RMST: variants seen among roughly 807,000 people sequenced by gnomAD.
RMST encodes the protein long intergenic non-protein coding RNA 54.
At chr12:97,525,984 A>G (rs145363358) in intron 10 of RMST, among the ~76,000 whole-genome samples, 1 of 152,110 alleles carries the variant, frequency 6.6e-6, no homozygotes, top group East Asian at 1.9e-4. Flanking sequence ...ACTCCTTATG[A>G]GAATCTAATG....
intron 5 of RMST, among the ~76,000 whole-genome samples, chr12:97,472,793 T>C (rs564149437): frequency 6.6e-6 from 1 of 152,274 alleles, no homozygotes; most frequent in African/African-American, 2.4e-5. Context: ...TAGTGTACAA[T>C]CTTTTAGACT....
intron 5 of RMST, chr12:97,491,690 G>A (rs1582336): frequency 0.81 from 198,818 of 244,066 alleles, 81,725 homozygotes; most frequent in African/African-American, 0.9. Context: ...CAAGTATTTC[G>A]ATACCCATAT....
chr12:97,491,240 A>AAGGTGATT (rs1416406253), intron 5 of RMST, among the ~76,000 whole-genome samples: 1 of 152,192 alleles, frequency 6.6e-6, no homozygotes, highest in Non-Finnish European at 1.5e-5. Context: ...CAAAATTCCA[A>AAGGTGATT]AGGTGATTAG....
intron 10 of RMST, among the ~76,000 whole-genome samples, chr12:97,525,301 G>A (rs1394237476): frequency 6.6e-6 from 1 of 152,142 alleles, no homozygotes; most frequent in Non-Finnish European, 1.5e-5. Context: ...GGAAGCAAAA[G>A]GTAGTGAGGT....
At chr12:97,520,661 C>A (rs1029901093) in intron 10 of RMST, among the ~76,000 whole-genome samples, 1 of 151,984 alleles carries the variant, frequency 6.6e-6, no homozygotes, top group African/African-American at 2.4e-5. Flanking sequence ...ATTTTTAATT[C>A]TCTTGCTTTA....
In RMST at chr12:97,514,732, T is replaced by G. The variant is rs376373514; in HGVS notation, n.1341-15923T>G. 7.9e-5 allele frequency among the ~76,000 whole-genome samples: 12 copies of G among 152,224 alleles called. No individual in the cohort carries two copies. In the East Asian group the frequency reaches 1.4e-3, roughly 17 times the overall value. ...ATGACAATAATAGAGATTGATTACA[T>G]TTTATGGAACACAGAGTAAGAGCTG... is the stretch of plus-strand genomic sequence containing the variant. On this transcript the variant is annotated intron_variant and non_coding_transcript_variant, in intron 10 of 13. Coordinates refer to ENST00000640149, the Ensembl canonical transcript of RMST.
chr12:97,488,914 G>A (rs1012161196), intron 5 of RMST, among the ~76,000 whole-genome samples: 29 of 152,088 alleles, frequency 1.9e-4, no homozygotes, highest in African/African-American at 7.0e-4. Flanking sequence ...GCCTCAAAGA[G>A]TTGGGACTTA....
At chr12:97,563,345 A>G (rs535382985) in intron 13 of RMST, 58 of 188,160 alleles carry the variant, frequency 3.1e-4, no homozygotes, top group Middle Eastern at 4.4e-3. Context: ...ATAGTCAAAC[A>G]GGTACTAAGA....
At chr12:97,539,310 C>T (rs1273906201) in intron 11 of RMST, among the ~76,000 whole-genome samples, 6 of 151,488 alleles carry the variant, frequency 4.0e-5, no homozygotes, top group Non-Finnish European at 5.9e-5. Context: ...AGGTAGCTTG[C>T]TTGGAAAATA....
intron 10 of RMST, among the ~76,000 whole-genome samples, chr12:97,519,675 A>T (rs2136545433): frequency 6.6e-6 from 1 of 152,292 alleles, no homozygotes; most frequent in African/African-American, 2.4e-5. Context: ...ATCGGTTCTT[A>T]TCAGTAGCTA....
intron 10 of RMST, among the ~76,000 whole-genome samples, chr12:97,496,476 A>G (rs1281346224): frequency 6.6e-6 from 1 of 152,184 alleles, no homozygotes. Context: ...TTTACGTGTC[A>G]TTATTTGCTC....
At chr12:97,496,304 C>A (rs1193589800) in intron 10 of RMST, among the ~76,000 whole-genome samples, 1 of 151,908 alleles carries the variant, frequency 6.6e-6, no homozygotes, top group East Asian at 1.9e-4. Context: ...GGGCTACTTT[C>A]TACCACTGCC....
intron 5 of RMST, among the ~76,000 whole-genome samples, chr12:97,484,453 A>C (rs1272965663): frequency 6.6e-6 from 1 of 152,220 alleles, no homozygotes; most frequent in Non-Finnish European, 1.5e-5. Flanking sequence ...TCATATTAAC[A>C]ACAGCATCTT....
At chr12:97,473,395 G>C (rs994106138) in intron 5 of RMST, among the ~76,000 whole-genome samples, 1 of 152,080 alleles carries the variant, frequency 6.6e-6, no homozygotes, top group Non-Finnish European at 1.5e-5. Context: ...AAGGCTGGGG[G>C]CTTGGTGGAT....
intron 4 of RMST, among the ~76,000 whole-genome samples, chr12:97,463,493 C>A (rs1330641865): frequency 6.6e-6 from 1 of 152,146 alleles, no homozygotes; most frequent in Non-Finnish European, 1.5e-5. Context: ...GAAGGGTGAG[C>A]TGCTTTTTGT....
At chr12:97,541,050 T>C (rs2136621533) in intron 11 of RMST, among the ~76,000 whole-genome samples, 1 of 151,718 alleles carries the variant, frequency 6.6e-6, no homozygotes, top group African/African-American at 2.4e-5. Flanking sequence ...TACACATATA[T>C]CATTTATGTA....
chr12:97,491,306 T>C (rs1435138461), intron 5 of RMST, among the ~76,000 whole-genome samples: 2 of 152,178 alleles, frequency 1.3e-5, no homozygotes, highest in African/African-American at 4.8e-5. Flanking sequence ...GAAGGGAAAG[T>C]CTATAATTTC....
At chr12:97,503,033 G>T (rs1256169128) in intron 10 of RMST, among the ~76,000 whole-genome samples, 1 of 152,098 alleles carries the variant, frequency 6.6e-6, no homozygotes, top group Non-Finnish European at 1.5e-5. Flanking sequence ...TGTTCCTTGT[G>T]TCTGGGCAAT....
intron 11 of RMST, among the ~76,000 whole-genome samples, chr12:97,555,608 C>T (rs1451861031): frequency 1.3e-5 from 2 of 152,150 alleles, no homozygotes; most frequent in Non-Finnish European, 2.9e-5. Context: ...CGGAATTGTT[C>T]ACAGTCACAA....
Sources: allele counts gnomAD v4.1 joint callset (sites outside exome capture counted in the v4.1 genomes callset), GRCh38; gene constraint gnomAD v4.1.1; transcripts MANE v1.5; gene names NCBI Gene and HGNC (gene_info 2026-07-23, HGNC 2026-07-21).